The following ATAD3B variants were observed in gnomAD, a reference collection of about 807,000 sequenced individuals.
The protein encoded by ATAD3B is ATPase family AAA domain containing 3B.
Under a neutral mutation model 70.2 loss-of-function variants are expected in ATAD3B, and 59 were observed. The ratio of observed to expected loss-of-function variants is 0.84; its 90% confidence interval spans 0.68 to 1.04. The LOEUF (loss-of-function observed/expected upper bound fraction) is 1.04. Among genes scored for constraint, ATAD3B ranks in the 50% least tolerant of loss-of-function variants. The probability of loss-of-function intolerance (pLI) is 0.00; values close to 1 mark genes in which losing one functional copy is unlikely to be tolerated. For missense variants in ATAD3B, 961 were observed against 913.4 expected (o/e 1.05, Z -0.67); for synonymous variants, 423 against 388.6 (o/e 1.09, Z -1.04).
chr1:1,482,739 A>G lies in ATAD3B; in HGVS notation c.750+125A>G, dbSNP rs2862155. On this transcript the variant is annotated intron_variant, in intron 7 of 15. Transcript: ENST00000673477. ...CTGTAGCTCTCCCAGCACAGAGCAA[A>G]CCCACGTTGTACCTGCTGGGCTCGG... 1.2e-4 allele frequency: 175 copies of G among 1,493,996 alleles called. 2 individuals are homozygous for G. The African/African-American group carries it at 1.6e-3, about 14-fold the overall frequency. 92.5% of individuals were successfully genotyped at this position (1,493,996 alleles called of 1,614,324 possible).
At chr1:1,504,808 G>T in the ATAD3B span, among the ~76,000 whole-genome samples, 1 of 152,318 alleles carries the variant, frequency 6.6e-6, no homozygotes, top group Non-Finnish European at 1.5e-5. Flanking sequence ...GGGTCCTCAT[G>T]TGGCGGAGAG....
intron 1 of ATAD3B, 123 bp from the exon 2 acceptor site, chr1:1,477,151 G>A (rs1273432121): frequency 2.4e-5 from 32 of 1,310,800 alleles, no homozygotes; most frequent in Non-Finnish European, 3.3e-5. Context: ...TGGGATTACA[G>A]GCGTGAACCA....
At chr1:1,473,134 C>CTTTTTTTTT (rs569834397) in intron 1 of ATAD3B, among the ~76,000 whole-genome samples, 1 of 84,396 alleles carries the variant, frequency 1.2e-5, no homozygotes, top group Non-Finnish European at 2.0e-5. Flanking sequence ...GAAGGGATTC[C>CTTTTTTTTT]TTTTTTTTTT....
At chr1:1,487,977 C>T in intron 12 of ATAD3B, 63 bp downstream of exon 12, 1 of 1,594,402 alleles carries the variant, frequency 6.3e-7, no homozygotes, top group Non-Finnish European at 8.6e-7. Flanking sequence ...GGCTGTCATC[C>T]TGGGCCAGGC....
At chr1:1,481,059 C>T in intron 5 of ATAD3B, 123 bp downstream of exon 5, 4 of 1,494,094 alleles carry the variant, frequency 2.7e-6, no homozygotes, top group Non-Finnish European at 3.6e-6. Context: ...TGGGCGAGGC[C>T]TGCTGGGGCT....
At chr1:1,506,787 CTTTTTTTTTTT>C in the ATAD3B span, among the ~76,000 whole-genome samples, 38 of 120,048 alleles carry the variant, frequency 3.2e-4, no homozygotes, top group African/African-American at 1.1e-3. Flanking sequence ...TTTCTTTTTT[CTTTTTTTTTTT>C]TTTTTTTGAT....
At chr1:1,489,651 C>G in intron 13 of ATAD3B, 1 of 1,336,530 alleles carries the variant, frequency 7.5e-7, no homozygotes, top group Non-Finnish European at 9.9e-7. Context: ...CCTCCCAAAT[C>G]CCTTAATTTT....
At chr1:1,491,887 A>G (rs1468468176) in intron 15 of ATAD3B, among the ~76,000 whole-genome samples, 1 of 151,858 alleles carries the variant, frequency 6.6e-6, no homozygotes, top group Non-Finnish European at 1.5e-5. Flanking sequence ...TGTTTCCACA[A>G]CTCAGAAAGT....
At chr1:1,499,298 T>C (rs1252703274), downstream of ATAD3B, among the ~76,000 whole-genome samples, 1 of 145,206 alleles carries the variant, frequency 6.9e-6, no homozygotes, top group Non-Finnish European at 1.5e-5. Context: ...TTTTTTTTTT[T>C]TGGTCTCGGC....
rs538325174 is a variant in ATAD3B, at chr1:1,479,226, G to T, written c.444+118G>T. 1.3e-4 allele frequency: 170 copies of T among 1,291,606 alleles called. 4 individuals carry two copies. The highest frequency in any genetic ancestry group is 1.7e-4 in the Non-Finnish European group (160 of 944,172). 80.0% of individuals were successfully genotyped at this position (1,291,606 alleles called of 1,614,324 possible). On this transcript the variant is annotated intron_variant, in intron 4 of 15. Coordinates refer to ENST00000673477, the MANE Select transcript of ATAD3B (RefSeq NM_031921.6). ...AACGATGGGGTTGCTGACGGTGGGT[G>T]CTAGAGCAGGGGAAACTACTCGGAC...
At chr1:1,490,168 T>C (rs1640456438) in intron 13 of ATAD3B, 89 bp from the exon 14 acceptor site, 1 of 1,532,874 alleles carries the variant, frequency 6.5e-7, no homozygotes, top group Non-Finnish European at 8.7e-7. Context: ...TCCCAAAAAG[T>C]CTCCCCGAGG....
rs1640793605 is a variant in ATAD3B, at chr1:1,496,323, CAG to C, written c.*509_*510del. ...AGCTTTCTGGAGAATTTACTGATCA[CAG>C]AGCGGTGTGCTTCACATCAGCCTCG... On this transcript the variant is annotated 3_prime_UTR_variant, in exon 16 of 16. Transcript: ENST00000673477. 1.2e-6 allele frequency: 1 copy of C among 868,474 alleles called. No homozygotes were observed. The highest frequency in any genetic ancestry group is 1.4e-6 in the Non-Finnish European group (1 of 722,446). 53.8% of individuals were successfully genotyped at this position (868,474 alleles called of 1,614,324 possible). A position where few individuals can be genotyped will look rare whatever the true frequency, so the allele number is the denominator to read the frequency against.
intron 11 of ATAD3B, among the ~76,000 whole-genome samples, chr1:1,487,600 G>C (rs879554887): frequency 6.6e-6 from 1 of 151,954 alleles, no homozygotes; most frequent in East Asian, 1.9e-4. Context: ...TGGTTGGCTG[G>C]TGTGTGGGTG....
chr1:1,504,280 C>G, the ATAD3B span, among the ~76,000 whole-genome samples: 3 of 152,096 alleles, frequency 2.0e-5, no homozygotes, highest in Non-Finnish European at 2.9e-5. Flanking sequence ...GCCACAGTGC[C>G]TGGTCCCTCA....
the ATAD3B span, among the ~76,000 whole-genome samples, chr1:1,507,602 TG>T: frequency 6.6e-6 from 1 of 152,192 alleles, no homozygotes; most frequent in Non-Finnish European, 1.5e-5. Context: ...GCTGGCATTT[TG>T]TTGAGGACTT....
the ATAD3B span, among the ~76,000 whole-genome samples, chr1:1,506,665 T>A: frequency 3.9e-5 from 6 of 152,204 alleles, no homozygotes; most frequent in Admixed American, 2.0e-4. Flanking sequence ...AATTTCCCTT[T>A]CAGATTATTC....
intron 15 of ATAD3B, among the ~76,000 whole-genome samples, chr1:1,492,055 A>G (rs1640565667): frequency 1.3e-5 from 2 of 152,046 alleles, no homozygotes; most frequent in Middle Eastern, 3.4e-3. Context: ...ACCTAGTGGC[A>G]CATGCCTGTA....
intron 15 of ATAD3B, 82 bp from the exon 16 acceptor site, chr1:1,495,403 C>T (rs1640731242): frequency 1.3e-6 from 2 of 1,514,630 alleles, no homozygotes; most frequent in Admixed American, 4.3e-5. Context: ...GGTTTGGCCC[C>T]TCCCCACCTC....
chr1:1,494,452 C>T (rs1447804503), intron 15 of ATAD3B, among the ~76,000 whole-genome samples: 4 of 149,038 alleles, frequency 2.7e-5, no homozygotes, highest in African/African-American at 9.9e-5. Flanking sequence ...GTCAGTGTCT[C>T]CTGCGCTCCC....
Sources: allele counts gnomAD v4.1 joint callset (sites outside exome capture counted in the v4.1 genomes callset), GRCh38; gene constraint gnomAD v4.1.1; transcripts MANE v1.5; gene names NCBI Gene and HGNC (gene_info 2026-07-23, HGNC 2026-07-21).